AHI1: variants seen among roughly 807,000 people sequenced by gnomAD.
The protein encoded by AHI1 is jouberin.
AHI1 carries 123 observed loss-of-function variants against 149.3 expected under a neutral mutation model. The ratio of observed to expected loss-of-function variants is 0.82; its 90% CI spans 0.71 to 0.96. The LOEUF (loss-of-function observed/expected upper bound fraction) is 0.96. Ranked by LOEUF, AHI1 falls within the 40% of genes least tolerant of loss-of-function variation. The probability of loss-of-function intolerance (pLI) is 0.00; values close to 1 mark genes in which losing one functional copy is unlikely to be tolerated. For synonymous variants in AHI1, 475 were observed against 459.8 expected, an observed-to-expected ratio of 1.03 and a Z score of -0.42; for missense variants, 1,439 against 1,422.7, an observed-to-expected ratio of 1.01 and a Z score of -0.18.
In AHI1 at chr6:135,430,012, A is replaced by T. The variant is rs557341849; in HGVS notation, c.2374-12T>A. 3.2e-5 allele frequency: 44 copies of T among 1,373,474 alleles called. No homozygotes were observed. The highest frequency in any genetic ancestry group is 2.6e-4 in the South Asian group (19 of 73,392). The allele number at this position is 1,373,474 out of a possible 1,614,324, so 85.1% of individuals were successfully genotyped here. On this transcript the variant is annotated splice_polypyrimidine_tract_variant and intron_variant, in intron 17 of 28. Coordinates refer to ENST00000265602, the MANE Select transcript of AHI1 (RefSeq NM_001134831.2). ...GTTTCTTTAATTTCCTAAAATGATTAAAAAAAATACTACTACTGAAAAGTT... is the reference window on the plus strand; with the variant it reads ...GTTTCTTTAATTTCCTAAAATGATTTAAAAAAATACTACTACTGAAAAGTT...
chr6:135,485,183 C>T (rs1273076664), intron 5 of AHI1, among the ~76,000 whole-genome samples: 1 of 151,760 alleles, frequency 6.6e-6, no homozygotes, highest in Non-Finnish European at 1.5e-5. Context: ...AAGCAATTCT[C>T]ATGCCTCAGC....
chr6:135,411,251 T>C lies in AHI1; in HGVS notation c.2961+97A>G, dbSNP rs552806805. ...AAGTATAGGAAGGTCTAATTTTAAG[T>C]AATTAACTTACTTCATTAAATGAAT... On this transcript the variant is annotated intron_variant, in intron 21 of 28. Transcript: ENST00000265602. The C allele has an allele frequency of 9.0e-5, 106 of 1,182,218 alleles. 1 individual carries two copies. The highest frequency in any genetic ancestry group is 1.1e-4 in the Non-Finnish European group (94 of 834,186). The allele number at this position is 1,182,218 out of a possible 1,614,324, so 73.2% of individuals were successfully genotyped here. A position where few individuals can be genotyped will look rare whatever the true frequency, so the allele number is the denominator to read the frequency against.
At chr6:135,388,518 G>A (rs1777945020) in intron 23 of AHI1, among the ~76,000 whole-genome samples, 1 of 152,014 alleles carries the variant, frequency 6.6e-6, no homozygotes, top group African/African-American at 2.4e-5. Context: ...CAGAATCTCT[G>A]GTGAAATTAT....
intron 23 of AHI1, among the ~76,000 whole-genome samples, chr6:135,382,781 A>T (rs891853937): frequency 4.0e-5 from 6 of 150,904 alleles, no homozygotes; most frequent in Non-Finnish European, 5.9e-5. Context: ...CAAAGGAAAT[A>T]AAAAAAACTG....
intron 5 of AHI1, among the ~76,000 whole-genome samples, chr6:135,482,967 C>T (rs2128124961): frequency 8.0e-6 from 1 of 125,412 alleles, no homozygotes; most frequent in South Asian, 2.7e-4. Context: ...TTTCAGCTCA[C>T]TGCAACCTCC....
At chr6:135,313,023 A>G (rs1209972732) in intron 26 of AHI1, among the ~76,000 whole-genome samples, 1 of 152,242 alleles carries the variant, frequency 6.6e-6, no homozygotes, top group Non-Finnish European at 1.5e-5. Flanking sequence ...CAAACCATAT[A>G]TATTTTAATA....
intron 23 of AHI1, among the ~76,000 whole-genome samples, chr6:135,388,311 T>C (rs908188389): frequency 6.6e-6 from 1 of 152,232 alleles, no homozygotes; most frequent in East Asian, 1.9e-4. Flanking sequence ...CTGCCAATTC[T>C]GACGAGATGA....
At chr6:135,380,744 C>CCCCCCAA (rs1562623965) in intron 23 of AHI1, among the ~76,000 whole-genome samples, 1 of 100,460 alleles carries the variant, frequency 1.0e-5, no homozygotes, top group Non-Finnish European at 1.9e-5. Flanking sequence ...CCCCCCCCCC[C>CCCCCCAA]AAAAAAAAAG....
In AHI1 at chr6:135,438,617, G is replaced by A. The variant is rs909436730; in HGVS notation, c.1913-119C>T. The A allele has an allele frequency of 1.7e-5, 13 of 773,512 alleles. No individual in the cohort carries two copies. The African/African-American group carries it at 2.2e-4, about 13-fold the overall frequency. The allele number at this position is 773,512 out of a possible 1,614,324, so 47.9% of individuals were successfully genotyped here. A position where few individuals can be genotyped will look rare whatever the true frequency, so the allele number is the denominator to read the frequency against. On this transcript the variant is annotated intron_variant, in intron 14 of 28. Transcript: ENST00000265602. ...AGTCTATAACAAAATTATAACCAAA[G>A]ACATTTGCAGCACAGAGAAAATTTC...
chr6:135,290,913 A>ACACACACACACACACACACAC (rs1782272307), intron 27 of AHI1, among the ~76,000 whole-genome samples: 7 of 146,178 alleles, frequency 4.8e-5, no homozygotes, highest in African/African-American at 1.8e-4. Flanking sequence ...AACACACACA[A>ACACACACACACACACACACAC]ACACACACAC....
At chr6:135,322,504 TTAA>T (rs1787020886) in intron 25 of AHI1, among the ~76,000 whole-genome samples, 1 of 152,180 alleles carries the variant, frequency 6.6e-6, no homozygotes, top group Non-Finnish European at 1.5e-5. Context: ...AAGCTATTAT[TTAA>T]TGAACAAAAA....
chr6:135,328,157 G>C (rs1175355751), intron 24 of AHI1, among the ~76,000 whole-genome samples: 1 of 152,178 alleles, frequency 6.6e-6, no homozygotes, highest in Non-Finnish European at 1.5e-5. Context: ...TTCAAGTAGA[G>C]GGTACTAGAA....
At chr6:135,329,321 T>A (rs556659465) in intron 24 of AHI1, among the ~76,000 whole-genome samples, 22 of 152,324 alleles carry the variant, frequency 1.4e-4, no homozygotes, top group Non-Finnish European at 3.1e-4. Flanking sequence ...CTGACTCTCC[T>A]GCTAGGAACT....
chr6:135,287,090 T>C (rs1781775622), intron 28 of AHI1, among the ~76,000 whole-genome samples: 1 of 151,950 alleles, frequency 6.6e-6, no homozygotes, highest in Admixed American at 6.6e-5. Context: ...GAAGAGTTCA[T>C]GTTAGTGGGA....
chr6:135,330,344 C>T (rs538949114), intron 24 of AHI1, among the ~76,000 whole-genome samples: 1 of 152,230 alleles, frequency 6.6e-6, no homozygotes, highest in Non-Finnish European at 1.5e-5. Flanking sequence ...GGTCAGTCAG[C>T]TGCCATCAAC....
intron 21 of AHI1, among the ~76,000 whole-genome samples, chr6:135,406,570 A>G (rs1420448396): frequency 6.6e-6 from 1 of 152,250 alleles, no homozygotes; most frequent in Non-Finnish European, 1.5e-5. Context: ...TATATCAATT[A>G]TTACTAATAA....
intron 25 of AHI1, among the ~76,000 whole-genome samples, chr6:135,320,717 C>T (rs1030701071): frequency 6.6e-6 from 1 of 152,170 alleles, no homozygotes; most frequent in Admixed American, 6.5e-5. Context: ...CCTAGAGATA[C>T]ACAAGGGAGA....
rs150608905 is a variant in AHI1, at chr6:135,496,147, C to T, written c.-139-249G>A. Among the ~76,000 whole-genome samples, 107 of 151,622 alleles carry T rather than the reference C, an allele frequency of 7.1e-4. No individual in the cohort carries two copies. In the East Asian group the frequency reaches 0.012, roughly 18 times the overall value. Reference sequence around the variant, plus strand: ...TTTTTTTTTTTTGGAGACAGAGTCTCGCTCTGTTGCCCAGGTTGGAGTGCA... The same window carrying T: ...TTTTTTTTTTTTGGAGACAGAGTCTTGCTCTGTTGCCCAGGTTGGAGTGCA... On this transcript the variant is annotated intron_variant, in intron 2 of 28. Transcript: ENST00000265602.
intron 24 of AHI1, among the ~76,000 whole-genome samples, chr6:135,355,632 G>A (rs1178938526): frequency 6.6e-6 from 1 of 152,122 alleles, no homozygotes; most frequent in Non-Finnish European, 1.5e-5. Flanking sequence ...TGGGCGCGGT[G>A]GCTCATGCCT....
Sources: gnomAD v4.1 joint callset for allele counts (sites outside exome capture counted in the v4.1 genomes callset) on GRCh38, gnomAD v4.1.1 for gene constraint, MANE v1.5 for transcripts, NCBI Gene and HGNC (gene_info 2026-07-23, HGNC 2026-07-21) for gene names.